The following PHF12 variants were observed in gnomAD, a reference collection of about 807,000 sequenced individuals.
PHF12 encodes PHD factor 1.
PHF12 carries 6 observed loss-of-function variants against 99.8 expected under a neutral mutation model. That is an observed-to-expected ratio of 0.06 (90% CI 0.03 to 0.12). The LOEUF (loss-of-function observed/expected upper bound fraction) is 0.12. Ranked by LOEUF, PHF12 falls within the 10% of genes least tolerant of loss-of-function variation. The pLI is 1.00. For synonymous variants in PHF12, 480 were observed against 514.9 expected (o/e 0.93, Z 0.92); for missense variants, 954 against 1,300.1 (o/e 0.73, Z 4.09).
chr17:28,940,566 T>C (rs951944260), intron 2 of PHF12, among the ~76,000 whole-genome samples: 1 of 152,202 alleles, frequency 6.6e-6, no homozygotes, highest in Admixed American at 6.5e-5. Context: ...TAGTGTCTAT[T>C]GTATGCCTCA....
At chr17:28,937,437 AG>A (rs1345164355) in intron 2 of PHF12, among the ~76,000 whole-genome samples, 2 of 152,222 alleles carry the variant, frequency 1.3e-5, no homozygotes, top group Non-Finnish European at 2.9e-5. Context: ...AAAAGGTACA[AG>A]GACTGTTGGG....
intron 2 of PHF12, among the ~76,000 whole-genome samples, chr17:28,936,564 C>G (rs1244238664): frequency 1.3e-5 from 2 of 152,192 alleles, no homozygotes; most frequent in Non-Finnish European, 2.9e-5. Context: ...CTGGTAGGGT[C>G]TTTCTTGTCA....
At chr17:28,946,843 C>A (rs1158455359) in intron 2 of PHF12, among the ~76,000 whole-genome samples, 1 of 151,600 alleles carries the variant, frequency 6.6e-6, no homozygotes, top group Non-Finnish European at 1.5e-5. Context: ...CGGCTTCAAC[C>A]TTACTCTTGT....
chr17:28,923,441 T>C (rs1258133279), intron 4 of PHF12, among the ~76,000 whole-genome samples: 1 of 151,602 alleles, frequency 6.6e-6, no homozygotes, highest in Admixed American at 6.6e-5. Context: ...GCAGATCACC[T>C]GAGGTCAGGA....
At chr17:28,929,383 C>T (rs1422129772) in intron 2 of PHF12, among the ~76,000 whole-genome samples, 2 of 151,936 alleles carry the variant, frequency 1.3e-5, no homozygotes, top group African/African-American at 4.8e-5. Flanking sequence ...GCTAGGATTA[C>T]AAGCATGCGC....
At chr17:28,941,696 C>G (rs1305857276) in intron 2 of PHF12, among the ~76,000 whole-genome samples, 1 of 152,060 alleles carries the variant, frequency 6.6e-6, no homozygotes, top group Admixed American at 6.5e-5. Flanking sequence ...CTCCACCTCC[C>G]GGGTTCAAGC....
At position 28,948,190 on chromosome 17, in the gene PHF12, C is replaced by A. The variant is rs1236372658; in HGVS notation, c.248+1875G>T. Among the ~76,000 whole-genome samples the A allele has an allele frequency of 2.0e-5, 3 of 152,220 alleles. No individual in the cohort carries two copies. The East Asian group carries it at 5.8e-4, about 29-fold the overall frequency. On this transcript the variant is annotated intron_variant, in intron 2 of 14. Transcript: ENST00000332830. ...CTCACTCAACATGCATGTCAGCAAT[C>A]ATGGTTAACACCAATTTCATCCTAG... is the stretch of plus-strand genomic sequence containing the variant.
At chr17:28,923,732 G>C (rs1299981151) in intron 4 of PHF12, among the ~76,000 whole-genome samples, 177 bp downstream of exon 4, 1 of 147,756 alleles carries the variant, frequency 6.8e-6, no homozygotes. Context: ...TGAGAAAATG[G>C]AAAACTGAGT....
chr17:28,939,094 C>T (rs2040565016), intron 2 of PHF12, among the ~76,000 whole-genome samples: 1 of 152,244 alleles, frequency 6.6e-6, no homozygotes, highest in African/African-American at 2.4e-5. Context: ...TACTTCAACA[C>T]CAACAAACTG....
chr17:28,912,389 A>G, intron 9 of PHF12, 93 bp downstream of exon 9: 1 of 1,476,598 alleles, frequency 6.8e-7, no homozygotes, highest in Non-Finnish European at 9.0e-7. Flanking sequence ...AGTCCTCTGA[A>G]GTATTCACAG....
At chr17:28,907,766 T>C (rs2039894736) in intron 12 of PHF12, 94 bp from the exon 13 acceptor site, 1 of 1,234,450 alleles carries the variant, frequency 8.1e-7, no homozygotes, top group Admixed American at 1.8e-5. Context: ...AGTTAGCTTC[T>C]GGGTTGGCAC....
In PHF12 at chr17:28,951,145, C is replaced by A; in HGVS notation, c.-185G>T. On this transcript the variant is annotated 5_prime_UTR_variant, in exon 1 of 15. Transcript: ENST00000332830. ...AGTCCCCGGGACGACAGCGTCCTCC[C>A]GACGGGCCGCGAGGGGGGAGCGGCC... 2.1e-6 allele frequency: 3 copies of A among 1,430,074 alleles called. No individual in the cohort carries two copies. Among genetic ancestry groups the A allele is most frequent in the Non-Finnish European group, 2.7e-6 (3 of 1,096,196 alleles). The allele number at this position is 1,430,074 out of a possible 1,614,324, so 88.6% of individuals were successfully genotyped here. A position where few individuals can be genotyped will look rare whatever the true frequency, so the allele number is the denominator to read the frequency against.
At position 28,950,310 on chromosome 17, in the gene PHF12, C is replaced by T. The variant is rs770225138; in HGVS notation, c.67-64G>A. 20 of 1,517,530 alleles carry T rather than the reference C, an allele frequency of 1.3e-5. No homozygotes were observed. In the East Asian group the frequency reaches 4.8e-4, roughly 37 times the overall value. The allele number at this position is 1,517,530 out of a possible 1,614,324, so 94.0% of individuals were successfully genotyped here. A position where few individuals can be genotyped will look rare whatever the true frequency, so the allele number is the denominator to read the frequency against. ...GCTCCCGGGCGGTCCGTCGCCCCCC[C>T]GGCGCGGTTTCTCCGTCACCCACCC... On this transcript the variant is annotated intron_variant, in intron 1 of 14. Coordinates refer to ENST00000332830, the MANE Select transcript of PHF12 (RefSeq NM_001033561.2). This position sits in a 1 kb window ranked among gnomAD's most constrained non-coding sequence, Gnocchi z 5.7.
At chr17:28,939,910 T>G (rs1409125912) in intron 2 of PHF12, among the ~76,000 whole-genome samples, 10 of 152,228 alleles carry the variant, frequency 6.6e-5, no homozygotes, top group African/African-American at 1.4e-4. Context: ...AGTCCTCTTT[T>G]GCTCACTCAA....
intron 2 of PHF12, chr17:28,929,826 T>C (rs2040362160): frequency 6.6e-6 from 1 of 152,160 alleles, no homozygotes; most frequent in Non-Finnish European, 1.5e-5. Context: ...CACCTGTAAG[T>C]CTCCGCTCAT....
chr17:28,921,869 T>C (rs2040173032), intron 4 of PHF12, 61 bp from the exon 5 acceptor site: 14 of 1,602,010 alleles, frequency 8.7e-6, no homozygotes, highest in Non-Finnish European at 1.0e-5. Flanking sequence ...GCCTGCAATA[T>C]GGAAACAACA....
intron 11 of PHF12, 152 bp downstream of exon 11, chr17:28,910,074 A>T: frequency 8.4e-7 from 1 of 1,185,476 alleles, no homozygotes; most frequent in Non-Finnish European, 1.2e-6. Context: ...TGCTCTCTTC[A>T]GAAAAAAACC....
In PHF12 at chr17:28,910,273, C is replaced by G. The variant is rs758872812; in HGVS notation, c.2312G>C (p.Gly771Ala). The change falls in exon 11 of 15, where the codon GGC becomes GCC. Residue 771 changes from glycine to alanine, a missense_variant. This residue lies in a region of PHF12 where 143 missense variants were observed against 191.8 expected (regional missense o/e 0.75). Coordinates refer to ENST00000332830, the MANE Select transcript of PHF12 (RefSeq NM_001033561.2). ...AGCCAGCTGATGTGTCCCGACACTG[C>G]CCGGTGAAGGTTGGACCCGGGAGGG... The part of the protein sequence containing the change: ...LFPSRVQPSP[G>A]SVGTHQLASG... 19 of 1,614,092 alleles carry G rather than the reference C, an allele frequency of 1.2e-5. No homozygotes were observed. Among genetic ancestry groups the G allele is most frequent in the Non-Finnish European group, 1.4e-5 (17 of 1,180,048 alleles).
In PHF12 at chr17:28,919,184, G is replaced by C; in HGVS notation, c.928C>G (p.Leu310Val). ...CLEPPLTAMP[L>V]GRWMCPNHIE... ...TGATTCGGACACATCCATCTGCCCA[G>C]GGGCATGGCAGTGAGCGGCGGCTCG... Residue 310 changes from leucine (L) to valine (V), a missense_variant, in exon 6 of 15, where the codon CTG becomes GTG. This residue lies in a region of PHF12 where 85 missense variants were observed against 196.6 expected (regional missense o/e 0.43). Coordinates refer to ENST00000332830, the MANE Select transcript of PHF12 (RefSeq NM_001033561.2). 1 of 1,614,228 alleles carries C rather than the reference G, an allele frequency of 6.2e-7. No homozygotes were observed. The highest frequency in any genetic ancestry group is 8.5e-7 in the Non-Finnish European group (1 of 1,180,026).
Sources: gnomAD v4.1 joint callset for allele counts (sites outside exome capture counted in the v4.1 genomes callset) on GRCh38, gnomAD v4.1.1 for gene constraint, gnomAD v4.1.1 regional missense constraint, Gnocchi (gnomAD v3.1) non-coding constraint, MANE v1.5 for transcripts, NCBI Gene and HGNC (gene_info 2026-07-23, HGNC 2026-07-21) for gene names.